HDC: variants seen among roughly 807,000 people sequenced by gnomAD.
HDC encodes the protein histidine decarboxylase.
HDC carries 27 observed loss-of-function variants against 64.4 expected under a neutral mutation model. That is an observed-to-expected ratio of 0.42 (90% CI 0.31 to 0.58). The LOEUF (loss-of-function observed/expected upper bound fraction) is 0.58, where lower values mean the gene tolerates loss of function less well. Ranked by LOEUF, HDC falls within the 20% of genes least tolerant of loss-of-function variation. The pLI is 0.16. For missense variants in HDC, 711 were observed against 833.9 expected, an observed-to-expected ratio of 0.85 and a Z score of 1.81; for synonymous variants, 305 against 314.2, an observed-to-expected ratio of 0.97 and a Z score of 0.31.
At position 50,253,021 on chromosome 15, in the gene HDC, C is replaced by T. The variant is rs147085593; in HGVS notation, c.788-247G>A. On this transcript the variant is annotated intron_variant, in intron 7 of 11. Coordinates refer to ENST00000267845, the MANE Select transcript of HDC (RefSeq NM_002112.4). ...CCTTTTTCTTCCACTGGGTAAAGGG[C>T]CAGCACCCTCTTGGCCTCAGCCTAG... The T allele has an allele frequency of 4.5e-5, 25 of 560,942 alleles. No homozygotes were observed. In the African/African-American group the frequency reaches 4.5e-4, roughly 10 times the overall value. The allele number at this position is 560,942 out of a possible 1,614,324, so 34.7% of individuals were successfully genotyped here. A position where few individuals can be genotyped will look rare whatever the true frequency, so the allele number is the denominator to read the frequency against.
chr15:50,253,273 A>G, intron 7 of HDC: 1 of 419,082 alleles, frequency 2.4e-6, no homozygotes, highest in Non-Finnish European at 4.5e-6. Flanking sequence ...ATTCTAGCCT[A>G]ATTCACACTG....
chr15:50,245,310 T>C (rs2045465283), intron 10 of HDC, among the ~76,000 whole-genome samples: 1 of 152,180 alleles, frequency 6.6e-6, no homozygotes, highest in South Asian at 2.1e-4. Flanking sequence ...TACAATAGAG[T>C]ATGGCCCACA....
rs149977559 is a variant in HDC at position 50,245,415 on chromosome 15, G to A, written c.1141-2171C>T. 1.9e-3 allele frequency among the ~76,000 whole-genome samples: 293 copies of A among 152,124 alleles called. 1 individual carries two copies. The highest frequency in any genetic ancestry group is 6.7e-3 in the African/African-American group (278 of 41,490). On this transcript the variant is annotated intron_variant, in intron 10 of 11. Coordinates refer to ENST00000267845, the MANE Select transcript of HDC (RefSeq NM_002112.4). ...GATGAGGATGATGATGATGATGATG[G>A]TGATGATGATGACAATTTATTATAA...
chr15:50,253,369 T>C (rs1057448412), intron 7 of HDC: 60 of 597,630 alleles, frequency 1.0e-4, no homozygotes, highest in African/African-American at 9.2e-4. Context: ...TGTCGCCTCC[T>C]AGGACAGGAG....
chr15:50,256,964 C>T (rs900896878), intron 4 of HDC, among the ~76,000 whole-genome samples: 10 of 152,144 alleles, frequency 6.6e-5, no homozygotes, highest in African/African-American at 2.4e-4. Context: ...ATTTGAAGAA[C>T]CATAATTTGA....
chr15:50,264,842 A>T (rs2045747279), intron 1 of HDC, among the ~76,000 whole-genome samples: 1 of 152,156 alleles, frequency 6.6e-6, no homozygotes, highest in African/African-American at 2.4e-5. Flanking sequence ...CCCACCAGAG[A>T]TCTGAGAGCT....
rs748119643 is a variant in HDC at position 50,242,115 on chromosome 15, A to T, written c.*145T>A. The T allele has an allele frequency of 1.3e-6, 1 of 759,330 alleles. No individual in the cohort carries two copies. The highest frequency in any genetic ancestry group is 2.3e-6 in the Non-Finnish European group (1 of 433,736). The allele number at this position is 759,330 out of a possible 1,614,324, so 47.0% of individuals were successfully genotyped here. On this transcript the variant is annotated 3_prime_UTR_variant, in exon 12 of 12. Coordinates refer to ENST00000267845, the MANE Select transcript of HDC (RefSeq NM_002112.4). ...CGTTTGTATCCTATTGTGGGTCATG[A>T]ACCCCTATGAGAATTTGATTAAAAT...
chr15:50,248,245 A>C lies in HDC; in HGVS notation c.1140T>G (p.His380Gln). 1.2e-6 allele frequency: 2 copies of C among 1,601,820 alleles called. No individual in the cohort carries two copies. The highest frequency in any genetic ancestry group is 1.3e-5 in the African/African-American group (1 of 74,832). The change falls in exon 10 of 12, where the codon CAT becomes CAG. Residue 380 changes from histidine (H) to glutamine (Q), a missense_variant and splice_region_variant. By Grantham distance (24) the His-to-Gln change is conservative (BLOSUM62 0). Coordinates refer to ENST00000267845, the MANE Select transcript of HDC (RefSeq NM_002112.4). The surrounding 1 kb of genome is among the most constrained non-coding windows in gnomAD (Gnocchi z 4.3). ...GVKNLQAHVRHGTEMAKYFES... is the reference protein window; with the variant it reads ...GVKNLQAHVRQGTEMAKYFES... ...GCCCCCACAGCAGCATGCTACATAC[A>C]TGTCTGACATGTGCTTGAAGATTCT...
chr15:50,260,053 G>C (rs1050642537), intron 2 of HDC, among the ~76,000 whole-genome samples: 1 of 147,388 alleles, frequency 6.8e-6, no homozygotes. Flanking sequence ...ACAGATTCTC[G>C]CACTGTCACC....
At chr15:50,265,446 G>GA (rs948050934) in intron 1 of HDC, 147 bp downstream of exon 1, 533 of 728,688 alleles carry the variant, frequency 7.3e-4, no homozygotes, top group Non-Finnish European at 8.6e-4. Flanking sequence ...TCCTTTCGCA[G>GA]AAAAAAAAAT....
chr15:50,258,067 A>C (rs2140939193), intron 3 of HDC, among the ~76,000 whole-genome samples: 1 of 152,286 alleles, frequency 6.6e-6, no homozygotes, highest in South Asian at 2.1e-4. Flanking sequence ...GTGGTGACTC[A>C]ATAGGCATCA....
At chr15:50,252,830 C>A in intron 7 of HDC, 56 bp from the exon 8 acceptor site, 2 of 1,546,652 alleles carry the variant, frequency 1.3e-6, no homozygotes, top group Non-Finnish European at 1.8e-6. Flanking sequence ...GGAAAGATGT[C>A]TCGCACCTGG....
rs542486289 is a variant in HDC, at chr15:50,254,776, C to CTCTCTCTCTCTCTG, written c.442-113_442-112insCAGAGAGAGAGAGA. On this transcript the variant is annotated intron_variant, in intron 4 of 11. Transcript: ENST00000267845. ...TCTCTCTCTCTCTCTCTCTCTCTCT[C>CTCTCTCTCTCTCTG]TGTGTGTGTATGTGTTTGTGTATGT... 17 of 826,338 alleles carry CTCTCTCTCTCTCTG rather than the reference C, an allele frequency of 2.1e-5. No individual in the cohort carries two copies. The African/African-American group carries it at 3.0e-4, about 15-fold the overall frequency. 51.2% of individuals were successfully genotyped at this position (826,338 alleles called of 1,614,324 possible).
At chr15:50,255,314 C>T (rs1166806631) in intron 4 of HDC, among the ~76,000 whole-genome samples, 2 of 152,176 alleles carry the variant, frequency 1.3e-5, no homozygotes, top group Non-Finnish European at 2.9e-5. Flanking sequence ...CTTTATGGTT[C>T]CTTATCATTC....
In HDC at chr15:50,265,722, C is replaced by G; in HGVS notation, c.-99G>C. ...CGGCTTCCCTCTTGCCAGTCCTGCG[C>G]ACTCCCTGGCAGCCAGTGTGGGCCC... On this transcript the variant is annotated 5_prime_UTR_variant, in exon 1 of 12. Coordinates refer to ENST00000267845, the MANE Select transcript of HDC (RefSeq NM_002112.4). The G allele has an allele frequency of 9.5e-7, 1 of 1,056,400 alleles. No homozygotes were observed. The highest frequency in any genetic ancestry group is 1.8e-5 in the Admixed American group (1 of 55,078). 65.4% of individuals were successfully genotyped at this position (1,056,400 alleles called of 1,614,324 possible).
chr15:50,252,502 C>T lies in HDC; in HGVS notation c.969G>A (p.Lys323=). The change falls in exon 9 of 12, where the codon AAG becomes AAA. Residue 323 remains lysine (K), a synonymous_variant. Transcript: ENST00000267845. The part of the protein sequence containing the change: ...CTGFWVKDKY[K]LQQTFSVNPI... Reference sequence around the variant, plus strand: ...GATTCACACTGAAGGTCTGCTGCAGCTTGTACTTGTCCTTGACCCTGTGGG... The same window carrying T: ...GATTCACACTGAAGGTCTGCTGCAGTTTGTACTTGTCCTTGACCCTGTGGG... 3 of 1,614,198 alleles carry T rather than the reference C, an allele frequency of 1.9e-6. No individual in the cohort carries two copies. The highest frequency in any genetic ancestry group is 2.5e-6 in the Non-Finnish European group (3 of 1,180,036).
intron 10 of HDC, 134 bp from the exon 11 acceptor site, chr15:50,243,378 T>G: frequency 1.4e-6 from 1 of 717,192 alleles, no homozygotes; most frequent in Non-Finnish European, 2.5e-6. Flanking sequence ...TTCTGCCTCA[T>G]TGTCATCTCC....
intron 2 of HDC, among the ~76,000 whole-genome samples, chr15:50,261,017 C>T (rs1412942968): frequency 1.3e-5 from 2 of 152,154 alleles, no homozygotes; most frequent in East Asian, 3.8e-4. Context: ...TTCAGGCCAG[C>T]TCTCAGAGGC....
intron 10 of HDC, among the ~76,000 whole-genome samples, chr15:50,245,323 G>A (rs572582118): frequency 6.6e-6 from 1 of 152,312 alleles, no homozygotes; most frequent in East Asian, 1.9e-4. Flanking sequence ...GGCCCACAAA[G>A]CCAAAAGTAT....
Sources: allele counts gnomAD v4.1 joint callset (sites outside exome capture counted in the v4.1 genomes callset), GRCh38; gene constraint gnomAD v4.1.1; non-coding constraint Gnocchi (gnomAD v3.1); transcripts MANE v1.5; gene names NCBI Gene and HGNC (gene_info 2026-07-23, HGNC 2026-07-21).